PCDH9: variants seen among roughly 807,000 people sequenced by gnomAD.
PCDH9 encodes the protein protocadherin-9.
In PCDH9, 24 loss-of-function variants were observed where a neutral mutation model predicts 70.6. The ratio of observed to expected loss-of-function variants is 0.34; its 90% confidence interval spans 0.25 to 0.48. PCDH9 has a LOEUF of 0.48. PCDH9 is among the 20% of genes least tolerant of loss of function. The pLI is 0.99. For missense variants in PCDH9, 1,281 were observed against 1,503.6 expected (o/e 0.85, Z 2.45); for synonymous variants, 562 against 558.5 (o/e 1.01, Z -0.09).
chr13:66,990,162 AT>A (rs754450435), intron 2 of PCDH9, among the ~76,000 whole-genome samples: 1 of 151,904 alleles, frequency 6.6e-6, no homozygotes, highest in Non-Finnish European at 1.5e-5. Context: ...GACCCCATTA[AT>A]CTAAAGGCTA....
chr13:67,025,494 C>A (rs1176530833), intron 2 of PCDH9, among the ~76,000 whole-genome samples: 1 of 151,798 alleles, frequency 6.6e-6, no homozygotes, highest in African/African-American at 2.4e-5. Context: ...ATAATTATGA[C>A]CAGATCATTG....
At chr13:66,923,183 A>T (rs1300064214) in intron 2 of PCDH9, among the ~76,000 whole-genome samples, 1 of 151,494 alleles carries the variant, frequency 6.6e-6, no homozygotes, top group Non-Finnish European at 1.5e-5. Flanking sequence ...GATAATTAAT[A>T]ATTTAATAAT....
At chr13:66,940,125 T>C (rs2082984128) in intron 2 of PCDH9, among the ~76,000 whole-genome samples, 1 of 152,218 alleles carries the variant, frequency 6.6e-6, no homozygotes, top group African/African-American at 2.4e-5. Flanking sequence ...TTAGTCTGTG[T>C]GAAACTTAAA....
intron 2 of PCDH9, among the ~76,000 whole-genome samples, chr13:67,073,534 TAAACCTTTAAAATTTA>T: frequency 6.6e-6 from 1 of 152,220 alleles, no homozygotes; most frequent in African/African-American, 2.4e-5. Flanking sequence ...GCTCACATCC[TAAACCTTTAAAATTTA>T]TTTGCTTTAA....
At chr13:66,998,191 G>A (rs2084162205) in intron 2 of PCDH9, among the ~76,000 whole-genome samples, 1 of 152,188 alleles carries the variant, frequency 6.6e-6, no homozygotes, top group Non-Finnish European at 1.5e-5. Context: ...AGAAGAGAAT[G>A]TGCCAGGGCC....
intron 2 of PCDH9, among the ~76,000 whole-genome samples, chr13:66,992,574 C>A (rs1472517516): frequency 6.6e-6 from 1 of 152,132 alleles, no homozygotes; most frequent in African/African-American, 2.4e-5. Context: ...TTTTGCAACT[C>A]TTTAATTTGT....
At chr13:66,580,669 C>G (rs2076878965) in intron 4 of PCDH9, among the ~76,000 whole-genome samples, 1 of 151,792 alleles carries the variant, frequency 6.6e-6, no homozygotes, top group Admixed American at 6.6e-5. Context: ...CCACCCCACA[C>G]TGTACAGCTT....
chr13:66,756,874 C>T (rs1036774992), intron 3 of PCDH9, among the ~76,000 whole-genome samples: 2 of 152,104 alleles, frequency 1.3e-5, no homozygotes, highest in African/African-American at 2.4e-5. Flanking sequence ...CTAGCTCCAT[C>T]ACCCAGGCTG....
intron 4 of PCDH9, among the ~76,000 whole-genome samples, chr13:66,394,061 G>A (rs752593366): frequency 2.2e-4 from 34 of 152,192 alleles, no homozygotes; most frequent in Non-Finnish European, 3.1e-4. Context: ...TGGTAGAAAT[G>A]TGGAAGGTGA....
intron 3 of PCDH9, among the ~76,000 whole-genome samples, chr13:66,766,855 A>T (rs968374694): frequency 2.0e-5 from 3 of 152,034 alleles, no homozygotes; most frequent in Non-Finnish European, 4.4e-5. Flanking sequence ...ATTTCTCACA[A>T]CTGATATCAG....
intron 2 of PCDH9, among the ~76,000 whole-genome samples, chr13:67,171,211 T>C (rs1331108896): frequency 6.6e-6 from 1 of 152,194 alleles, no homozygotes; most frequent in South Asian, 2.1e-4. Flanking sequence ...TTATTAATTA[T>C]ATGTACGGTA....
Position 66,737,803 on chromosome 13 carries a change from C to T in PCDH9, c.3139-106392G>A, listed in dbSNP as rs374760395. Among the ~76,000 whole-genome samples, 11 of 152,160 alleles carry T rather than the reference C, an allele frequency of 7.2e-5. 1 individual carries two copies. Among genetic ancestry groups the T allele is most frequent in the Non-Finnish European group, 1.5e-4 (10 of 68,036 alleles). ...CTTTTCAGACCGGCTTAGAAAATGGCGCACCACGAGACTATATCCCACACC... is the reference window on the plus strand; with the variant it reads ...CTTTTCAGACCGGCTTAGAAAATGGTGCACCACGAGACTATATCCCACACC... On this transcript the variant is annotated intron_variant, in intron 3 of 4. Coordinates refer to ENST00000377865, the MANE Select transcript of PCDH9 (RefSeq NM_203487.3).
intron 4 of PCDH9, among the ~76,000 whole-genome samples, chr13:66,340,462 A>T (rs573819393): frequency 6.6e-6 from 1 of 152,316 alleles, no homozygotes; most frequent in East Asian, 1.9e-4. Context: ...CTAGATGTAG[A>T]TTTTTAATCG....
At chr13:67,225,279 G>GC in intron 2 of PCDH9, 126 bp downstream of exon 2, 1 of 1,266,706 alleles carries the variant, frequency 7.9e-7, no homozygotes, top group South Asian at 1.5e-5. Context: ...AAGGGGTCAA[G>GC]TTTTTTTTTA....
chr13:67,225,235 TA>T, intron 2 of PCDH9, 169 bp downstream of exon 2: 1 of 1,306,376 alleles, frequency 7.7e-7, no homozygotes. Context: ...AAAGCTGTTC[TA>T]AAAATTCTTG....
At chr13:67,043,155 G>T (rs1187417111) in intron 2 of PCDH9, among the ~76,000 whole-genome samples, 1 of 152,184 alleles carries the variant, frequency 6.6e-6, no homozygotes, top group Non-Finnish European at 1.5e-5. Flanking sequence ...ATCCTCAAGG[G>T]ATAAGAAATT....
At chr13:66,675,538 A>G (rs1390867155) in intron 3 of PCDH9, among the ~76,000 whole-genome samples, 1 of 152,122 alleles carries the variant, frequency 6.6e-6, no homozygotes, top group Non-Finnish European at 1.5e-5. Flanking sequence ...TCTACATTCA[A>G]GATTTAGATC....
At chr13:66,915,531 G>T (rs1394163030) in intron 2 of PCDH9, among the ~76,000 whole-genome samples, 3 of 151,588 alleles carry the variant, frequency 2.0e-5, no homozygotes, top group Non-Finnish European at 4.4e-5. Flanking sequence ...ATTTCTGTTG[G>T]TGTTCTTATA....
At chr13:66,869,022 A>G (rs1419759474) in intron 3 of PCDH9, among the ~76,000 whole-genome samples, 1 of 152,172 alleles carries the variant, frequency 6.6e-6, no homozygotes. Context: ...TCAACTGACT[A>G]TACAATGAAA....
Sources: gnomAD v4.1 joint callset for allele counts (sites outside exome capture counted in the v4.1 genomes callset) on GRCh38, gnomAD v4.1.1 for gene constraint, MANE v1.5 for transcripts, NCBI Gene and HGNC (gene_info 2026-07-23, HGNC 2026-07-21) for gene names.